The following LPP variants were observed in gnomAD, a reference collection of about 807,000 sequenced individuals.
LPP encodes lipoma-preferred partner.
A neutral mutation model predicts 60.4 loss-of-function variants in LPP; 38 were observed. The ratio of observed to expected loss-of-function variants is 0.63; its 90% CI spans 0.49 to 0.83. The LOEUF (loss-of-function observed/expected upper bound fraction) is 0.83, where lower values mean the gene tolerates loss of function less well. Among genes scored for constraint, LPP ranks in the 40% least tolerant of loss-of-function variants. The probability of loss-of-function intolerance (pLI) is 0.00; values close to 1 mark genes in which losing one functional copy is unlikely to be tolerated. For synonymous variants in LPP, 328 were observed against 290.8 expected, an observed-to-expected ratio of 1.13 and a Z score of -1.30; for missense variants, 902 against 783.6, an observed-to-expected ratio of 1.15 and a Z score of -1.80.
At chr3:188,284,809 A>G (rs1285344905) in intron 2 of LPP, among the ~76,000 whole-genome samples, 1 of 151,996 alleles carries the variant, frequency 6.6e-6, no homozygotes, top group Non-Finnish European at 1.5e-5. Flanking sequence ...CCTCGGCCCC[A>G]TTTCCTGCCC....
In LPP at chr3:188,881,110, G is replaced by C. The variant is rs546849512; in HGVS notation, c.*6631G>C. The C allele has an allele frequency of 7.5e-6, 1 of 133,708 alleles. No homozygotes were observed. The highest frequency in any genetic ancestry group is 1.6e-5 in the Non-Finnish European group (1 of 63,208). 8.3% of individuals were successfully genotyped at this position (133,708 alleles called of 1,614,324 possible). On this transcript the variant is annotated 3_prime_UTR_variant, in exon 12 of 12. Transcript: ENST00000617246. ...AGCCGAGATAGCGCCACTGCAGTCC[G>C]GCCTGGGCGAAAGAGCGAGACTCCG...
intron 8 of LPP, among the ~76,000 whole-genome samples, chr3:188,726,735 A>T (rs896981283): frequency 1.3e-5 from 2 of 152,182 alleles, no homozygotes; most frequent in East Asian, 3.8e-4. Context: ...TGTTTGATGA[A>T]TTATTATTTC....
chr3:188,406,337 G>A, intron 4 of LPP, 24 bp downstream of exon 4: 1 of 1,600,380 alleles, frequency 6.2e-7, no homozygotes, highest in Non-Finnish European at 8.5e-7. Context: ...TTTCAGAGTT[G>A]GTTACTTGGA....
chr3:188,676,129 A>G (rs1456069528), intron 7 of LPP, among the ~76,000 whole-genome samples: 1 of 152,218 alleles, frequency 6.6e-6, no homozygotes, highest in African/African-American at 2.4e-5. Flanking sequence ...GTTTTTAAAA[A>G]AAATAGGTAG....
intron 3 of LPP, among the ~76,000 whole-genome samples, chr3:188,387,423 T>A (rs1395463009): frequency 6.6e-6 from 1 of 152,186 alleles, no homozygotes; most frequent in Non-Finnish European, 1.5e-5. Flanking sequence ...ACTTTAATAT[T>A]TCATTGAGTG....
intron 4 of LPP, among the ~76,000 whole-genome samples, chr3:188,429,450 G>A (rs1358467452): frequency 6.6e-6 from 1 of 152,066 alleles, no homozygotes; most frequent in Non-Finnish European, 1.5e-5. Flanking sequence ...GATGCAGGTG[G>A]GTCCTCTTAG....
At chr3:188,618,387 C>A (rs1347101403) in intron 7 of LPP, among the ~76,000 whole-genome samples, 1 of 152,090 alleles carries the variant, frequency 6.6e-6, no homozygotes, top group Non-Finnish European at 1.5e-5. Context: ...ATTTACGAAA[C>A]ACTCTCATAT....
chr3:188,671,806 A>C (rs562617502), intron 7 of LPP, among the ~76,000 whole-genome samples: 1 of 152,322 alleles, frequency 6.6e-6, no homozygotes, highest in Non-Finnish European at 1.5e-5. Flanking sequence ...GAGGTGCAGG[A>C]GACTCTAGGC....
chr3:188,387,764 A>G (rs999195172), intron 3 of LPP, among the ~76,000 whole-genome samples: 2 of 151,996 alleles, frequency 1.3e-5, no homozygotes, highest in Admixed American at 6.6e-5. Context: ...ACAGGGTTTC[A>G]TCATGTTGAT....
chr3:188,649,581 A>G (rs2148948226), intron 7 of LPP, among the ~76,000 whole-genome samples: 1 of 152,330 alleles, frequency 6.6e-6, no homozygotes, highest in African/African-American at 2.4e-5. Flanking sequence ...CCATCTTGGT[A>G]GTCCTGAAGT....
At chr3:188,473,171 G>A (rs2149540957) in intron 4 of LPP, among the ~76,000 whole-genome samples, 1 of 152,152 alleles carries the variant, frequency 6.6e-6, no homozygotes, top group Non-Finnish European at 1.5e-5. Context: ...CTAGAGAACG[G>A]TTGAAAATAG....
At chr3:188,471,213 CTGT>C (rs1801757921) in intron 4 of LPP, among the ~76,000 whole-genome samples, 1 of 152,188 alleles carries the variant, frequency 6.6e-6, no homozygotes, top group Non-Finnish European at 1.5e-5. Context: ...GTTTTGATCA[CTGT>C]AGCTTTGTGA....
intron 7 of LPP, among the ~76,000 whole-genome samples, chr3:188,622,612 C>A (rs1231235869): frequency 6.6e-6 from 1 of 151,900 alleles, no homozygotes; most frequent in East Asian, 1.9e-4. Context: ...TTTTCAGATG[C>A]CAAAGGACAT....
chr3:188,590,345 G>A (rs1838403934), intron 6 of LPP, among the ~76,000 whole-genome samples: 3 of 152,134 alleles, frequency 2.0e-5, no homozygotes, highest in African/African-American at 7.2e-5. Context: ...GGCCGAGGCG[G>A]GTGGATCACT....
At position 188,713,890 on chromosome 3, in the gene LPP, C is replaced by T. The variant is rs530670416; in HGVS notation, c.1240+5497C>T. Among the ~76,000 whole-genome samples the T allele has an allele frequency of 5.9e-5, 9 of 152,184 alleles. 1 individual carries two copies. The East Asian group carries it at 1.2e-3, about 20-fold the overall frequency. On this transcript the variant is annotated intron_variant, in intron 8 of 11. Coordinates refer to ENST00000617246, the MANE Select transcript of LPP (RefSeq NM_001375462.1). ...ACTACAGTGGGTCTTTGAAATTTCC[C>T]GTTATCGTTTTCTTTTTTTCTTATT...
At chr3:188,557,764 T>C (rs1378276572) in intron 6 of LPP, among the ~76,000 whole-genome samples, 1 of 152,098 alleles carries the variant, frequency 6.6e-6, no homozygotes. Context: ...CATAATTTAT[T>C]CCAGATATTA....
chr3:188,186,888 C>T (rs1279036870), intron 1 of LPP, among the ~76,000 whole-genome samples: 1 of 152,122 alleles, frequency 6.6e-6, no homozygotes, highest in African/African-American at 2.4e-5. Context: ...TGGTCCTTCC[C>T]AGTTCTCTTC....
chr3:188,353,077 C>T (rs1222632870), intron 3 of LPP, among the ~76,000 whole-genome samples: 1 of 152,152 alleles, frequency 6.6e-6, no homozygotes, highest in Non-Finnish European at 1.5e-5. Context: ...CCACAAGAGC[C>T]GTTCATTGTC....
chr3:188,333,548 C>T (rs116638289), intron 2 of LPP, among the ~76,000 whole-genome samples: 2,757 of 152,202 alleles, frequency 0.018, 38 homozygotes, highest in Non-Finnish European at 0.027. Context: ...TTTGAGTGAC[C>T]GGATTGGCTA....
Sources: gnomAD v4.1 joint callset for allele counts (sites outside exome capture counted in the v4.1 genomes callset) on GRCh38, gnomAD v4.1.1 for gene constraint, MANE v1.5 for transcripts, NCBI Gene and HGNC (gene_info 2026-07-23, HGNC 2026-07-21) for gene names.